The following SPPL3 variants were observed in gnomAD, a reference collection of about 807,000 sequenced individuals.
The protein encoded by SPPL3 is signal peptide peptidase-like 3.
In SPPL3, 5 loss-of-function variants were observed where a neutral mutation model predicts 42.4. The observed-to-expected ratio is 0.12, with a 90% CI of 0.06 to 0.25. The LOEUF (loss-of-function observed/expected upper bound fraction) is 0.25. SPPL3 is among the 10% of genes least tolerant of loss of function. The probability of loss-of-function intolerance (pLI) is 1.00; values close to 1 mark genes in which losing one functional copy is unlikely to be tolerated. For missense variants in SPPL3, 235 were observed against 489.0 expected (o/e 0.48, Z 4.90); for synonymous variants, 195 against 181.8 (o/e 1.07, Z -0.58).
intron 1 of SPPL3, among the ~76,000 whole-genome samples, chr12:120,849,851 G>C (rs568544110): frequency 6.6e-6 from 1 of 152,238 alleles, no homozygotes; most frequent in East Asian, 1.9e-4. Context: ...TGTGACAGCT[G>C]CTGCTTTATA....
At chr12:120,880,397 C>T (rs1288182669) in intron 1 of SPPL3, among the ~76,000 whole-genome samples, 2 of 152,014 alleles carry the variant, frequency 1.3e-5, no homozygotes, top group African/African-American at 2.4e-5. Context: ...GAACACACAA[C>T]AAAAGACAGA....
chr12:120,887,175 C>T (rs192986748), intron 1 of SPPL3, among the ~76,000 whole-genome samples: 1 of 152,122 alleles, frequency 6.6e-6, no homozygotes, highest in African/African-American at 2.4e-5. Context: ...GTCTCGAACT[C>T]CTGACCTCAT....
intron 1 of SPPL3, among the ~76,000 whole-genome samples, chr12:120,886,345 C>T (rs972029400): frequency 1.3e-4 from 20 of 152,082 alleles, no homozygotes; most frequent in African/African-American, 4.6e-4. Flanking sequence ...ATTTTAGTTA[C>T]TATAGCAGAG....
At chr12:120,891,605 A>G (rs1204157043) in intron 1 of SPPL3, among the ~76,000 whole-genome samples, 2 of 152,180 alleles carry the variant, frequency 1.3e-5, no homozygotes, top group African/African-American at 4.8e-5. Context: ...TAGTAGTGAG[A>G]GAGAAATATT....
At chr12:120,844,637 G>A (rs886666124) in intron 1 of SPPL3, among the ~76,000 whole-genome samples, 9 of 151,650 alleles carry the variant, frequency 5.9e-5, no homozygotes, top group East Asian at 1.9e-4. Flanking sequence ...CATTCCCACC[G>A]TAGGACTATT....
chr12:120,882,836 T>C (rs959928534), intron 1 of SPPL3, among the ~76,000 whole-genome samples: 4 of 152,000 alleles, frequency 2.6e-5, no homozygotes, highest in Admixed American at 1.3e-4. Flanking sequence ...AAGGTTACAG[T>C]TAACTATGAT....
chr12:120,835,674 G>C (rs551685277), intron 1 of SPPL3: 1 of 152,226 alleles, frequency 6.6e-6, no homozygotes, highest in African/African-American at 2.4e-5. Context: ...CATGTAAAAA[G>C]CTTAATGTAA....
intron 6 of SPPL3, among the ~76,000 whole-genome samples, chr12:120,781,250 T>C (rs558862487): frequency 6.6e-6 from 1 of 152,162 alleles, no homozygotes; most frequent in Non-Finnish European, 1.5e-5. Context: ...GGTTGGAGTA[T>C]AAACTACTAT....
intron 1 of SPPL3, chr12:120,901,988 C>T (rs920474871): frequency 1.1e-6 from 1 of 942,884 alleles, no homozygotes; most frequent in African/African-American, 1.8e-5. Flanking sequence ...GCCATTAGGA[C>T]TCTCAGGGCC....
intron 1 of SPPL3, among the ~76,000 whole-genome samples, chr12:120,864,491 TGCCATTGCACTCCA>T (rs771642070): frequency 1.7e-4 from 26 of 152,120 alleles, no homozygotes; most frequent in Non-Finnish European, 3.2e-4. Context: ...GCCGAGATCA[TGCCATTGCACTCCA>T]GCCCAGACAA....
At chr12:120,771,404 A>AC (rs1869117336) in intron 6 of SPPL3, among the ~76,000 whole-genome samples, 2 of 152,106 alleles carry the variant, frequency 1.3e-5, no homozygotes, top group South Asian at 4.2e-4. Context: ...TCCTCCCAGA[A>AC]CCCAACTGGC....
intron 1 of SPPL3, among the ~76,000 whole-genome samples, chr12:120,866,397 C>T (rs56189047): frequency 0.042 from 6,382 of 152,036 alleles, 187 homozygotes; most frequent in South Asian, 0.12. Context: ...ATTCCTATTA[C>T]GCAAGGTTGG....
At chr12:120,903,793 G>A (rs1874065875) in intron 1 of SPPL3, 52 bp downstream of exon 1, 3 of 1,369,694 alleles carry the variant, frequency 2.2e-6, no homozygotes, top group Admixed American at 5.7e-5. Context: ...CCGCGCCGGC[G>A]CCCCGACCCC....
intron 1 of SPPL3, among the ~76,000 whole-genome samples, chr12:120,828,403 C>A (rs186431471): frequency 3.7e-5 from 1 of 27,068 alleles, no homozygotes; most frequent in South Asian, 1.6e-3. Flanking sequence ...AAGTTTTTGC[C>A]TTAAAAAAAA....
At chr12:120,871,203 C>T (rs1872916497) in intron 1 of SPPL3, among the ~76,000 whole-genome samples, 1 of 145,936 alleles carries the variant, frequency 6.9e-6, no homozygotes, top group Admixed American at 6.9e-5. Flanking sequence ...TGTGAATACA[C>T]ATAATACCAC....
intron 1 of SPPL3, chr12:120,845,430 C>T (rs988066621): frequency 2.7e-5 from 11 of 401,552 alleles, no homozygotes; most frequent in South Asian, 4.9e-5. Context: ...CCACAGAGGC[C>T]GGATCTTGTC....
chr12:120,856,256 G>T (rs914035787), intron 1 of SPPL3, among the ~76,000 whole-genome samples: 4 of 150,676 alleles, frequency 2.7e-5, no homozygotes, highest in African/African-American at 9.8e-5. Context: ...CAATGAGACA[G>T]AAGGAAAAGA....
At chr12:120,878,470 C>T (rs1430005017) in intron 1 of SPPL3, among the ~76,000 whole-genome samples, 1 of 152,220 alleles carries the variant, frequency 6.6e-6, no homozygotes, top group Non-Finnish European at 1.5e-5. Context: ...CTCAATTCAG[C>T]TGATAAATGA....
intron 8 of SPPL3, 124 bp downstream of exon 8, chr12:120,768,201 C>T (rs1218003241): frequency 1.5e-5 from 19 of 1,242,286 alleles, no homozygotes; most frequent in Non-Finnish European, 2.0e-5. Flanking sequence ...ATTTCCTCTT[C>T]TGCAGCATGG....
Sources: allele counts gnomAD v4.1 joint callset (sites outside exome capture counted in the v4.1 genomes callset), GRCh38; gene constraint gnomAD v4.1.1; transcripts MANE v1.5; gene names NCBI Gene and HGNC (gene_info 2026-07-23, HGNC 2026-07-21).